The following TSHZ2 variants were observed in gnomAD, a reference collection of about 807,000 sequenced individuals.
TSHZ2 encodes teashirt zinc finger homeobox 2.
A neutral mutation model predicts 74.4 loss-of-function variants in TSHZ2; 21 were observed. The observed-to-expected ratio is 0.28, with a 90% confidence interval of 0.20 to 0.41. The LOEUF is 0.41. TSHZ2 is among the 10% of genes least tolerant of loss of function. The pLI is 1.00. For missense variants in TSHZ2, 1,244 were observed against 1,293.5 expected (o/e 0.96, Z 0.59); for synonymous variants, 540 against 515.3 (o/e 1.05, Z -0.65).
intron 2 of TSHZ2, among the ~76,000 whole-genome samples, chr20:53,322,044 C>T (rs1177042947): frequency 2.6e-5 from 4 of 152,082 alleles, no homozygotes; most frequent in Admixed American, 6.5e-5. Flanking sequence ...GACTTTGGGC[C>T]GGTGGATCTC....
chr20:53,212,750 T>C (rs968460291), intron 1 of TSHZ2, among the ~76,000 whole-genome samples: 2 of 152,186 alleles, frequency 1.3e-5, no homozygotes, highest in African/African-American at 4.8e-5. Context: ...CATGGAGGTG[T>C]GGTCCCCCAG....
At chr20:53,143,925 T>C (rs1000502425) in intron 1 of TSHZ2, among the ~76,000 whole-genome samples, 2 of 151,906 alleles carry the variant, frequency 1.3e-5, no homozygotes, top group African/African-American at 2.4e-5. Flanking sequence ...AACTCAGGGA[T>C]TGGAGTTTTT....
chr20:53,339,150 T>G (rs750030598), intron 2 of TSHZ2, among the ~76,000 whole-genome samples: 4 of 152,160 alleles, frequency 2.6e-5, no homozygotes, highest in Non-Finnish European at 2.9e-5. Flanking sequence ...AAATCTAACA[T>G]TCTCTTATTT....
intron 2 of TSHZ2, among the ~76,000 whole-genome samples, chr20:53,393,816 C>G (rs532967374): frequency 4.9e-4 from 75 of 152,290 alleles, no homozygotes; most frequent in African/African-American, 1.7e-3. Flanking sequence ...TGGGAGGTTA[C>G]ATAGGACTCT....
At chr20:53,026,908 T>C (rs1983466150) in intron 1 of TSHZ2, among the ~76,000 whole-genome samples, 1 of 151,882 alleles carries the variant, frequency 6.6e-6, no homozygotes, top group African/African-American at 2.4e-5. Context: ...GAGATCGAGG[T>C]GGGAGAATTG....
rs981628461 is a variant in TSHZ2 at position 53,185,445 on chromosome 20, C to A, written c.41-68054C>A. 5 of 1,320,992 alleles carry A rather than the reference C, an allele frequency of 3.8e-6. No individual in the cohort carries two copies. The Admixed American group carries it at 1.6e-4, about 41-fold the overall frequency. 81.8% of individuals were successfully genotyped at this position (1,320,992 alleles called of 1,614,324 possible). A position where few individuals can be genotyped will look rare whatever the true frequency, so the allele number is the denominator to read the frequency against. Reference sequence around the variant, plus strand: ...ATTCCAGCACTTTGGGAGGCCGAGGCAGGCAGATCAGATCATGAGGTCAGG... The same window carrying A: ...ATTCCAGCACTTTGGGAGGCCGAGGAAGGCAGATCAGATCATGAGGTCAGG... On this transcript the variant is annotated intron_variant, in intron 1 of 2. Coordinates refer to ENST00000371497, the MANE Select transcript of TSHZ2 (RefSeq NM_173485.6).
At chr20:53,287,603 T>G (rs1314742413) in intron 2 of TSHZ2, among the ~76,000 whole-genome samples, 1 of 152,244 alleles carries the variant, frequency 6.6e-6, no homozygotes, top group African/African-American at 2.4e-5. Flanking sequence ...GTTGCTTGAC[T>G]GTCTAAGAGG....
intron 1 of TSHZ2, among the ~76,000 whole-genome samples, chr20:53,217,421 C>T (rs1232369980): frequency 2.0e-5 from 3 of 152,052 alleles, no homozygotes; most frequent in Non-Finnish European, 2.9e-5. Context: ...ATATGTGGCT[C>T]ACAAGCAGAA....
At chr20:53,162,228 A>T (rs1037106716) in intron 1 of TSHZ2, among the ~76,000 whole-genome samples, 1 of 152,246 alleles carries the variant, frequency 6.6e-6, no homozygotes, top group Admixed American at 6.5e-5. Context: ...GGAAAAAAAT[A>T]ACAAACTTGT....
chr20:53,210,175 G>A (rs1174706166), intron 1 of TSHZ2, among the ~76,000 whole-genome samples: 1 of 152,228 alleles, frequency 6.6e-6, no homozygotes, highest in Non-Finnish European at 1.5e-5. Flanking sequence ...AGGTGCAGGA[G>A]CCCGAGTGGG....
At chr20:53,176,621 A>G (rs879767080) in intron 1 of TSHZ2, among the ~76,000 whole-genome samples, 1 of 152,030 alleles carries the variant, frequency 6.6e-6, no homozygotes, top group Non-Finnish European at 1.5e-5. Context: ...ACAGGATATT[A>G]GTGATTTAAT....
At chr20:53,116,419 A>T (rs1478903038) in intron 1 of TSHZ2, among the ~76,000 whole-genome samples, 1 of 152,058 alleles carries the variant, frequency 6.6e-6, no homozygotes, top group Non-Finnish European at 1.5e-5. Flanking sequence ...GGGTGCCCCA[A>T]TGTCTTCCTT....
chr20:53,263,643 T>C (rs1990648736), intron 2 of TSHZ2, among the ~76,000 whole-genome samples: 1 of 152,182 alleles, frequency 6.6e-6, no homozygotes, highest in Admixed American at 6.5e-5. Flanking sequence ...ACAAAGTACA[T>C]CAAAGACCAG....
intron 1 of TSHZ2, among the ~76,000 whole-genome samples, chr20:53,159,730 T>C (rs922035831): frequency 6.6e-6 from 1 of 152,246 alleles, no homozygotes; most frequent in African/African-American, 2.4e-5. Context: ...ATTGCTCTTA[T>C]GACTTTATTC....
At chr20:53,393,588 AG>A (rs1982338805) in intron 2 of TSHZ2, among the ~76,000 whole-genome samples, 1 of 152,146 alleles carries the variant, frequency 6.6e-6, no homozygotes, top group African/African-American at 2.4e-5. Flanking sequence ...GTTTGTTCCA[AG>A]CAGTCTGTAT....
intron 2 of TSHZ2, among the ~76,000 whole-genome samples, chr20:53,457,125 T>C (rs1457730701): frequency 2.4e-5 from 3 of 126,176 alleles, no homozygotes; most frequent in African/African-American, 6.6e-5. Context: ...GGGGATGGCA[T>C]TGAATCTGTA....
At chr20:53,158,152 G>A (rs900110419) in intron 1 of TSHZ2, among the ~76,000 whole-genome samples, 35 of 152,152 alleles carry the variant, frequency 2.3e-4, no homozygotes, top group Non-Finnish European at 8.8e-5. Context: ...GCCAAGACCC[G>A]GAAGTCACCA....
chr20:53,006,993 G>A (rs537675236), intron 1 of TSHZ2, among the ~76,000 whole-genome samples: 1 of 152,316 alleles, frequency 6.6e-6, no homozygotes, highest in South Asian at 2.1e-4. Flanking sequence ...AAATCCATGA[G>A]TGAACAAAGC....
chr20:53,174,410 G>T (rs1032676137), intron 1 of TSHZ2, among the ~76,000 whole-genome samples: 15 of 152,332 alleles, frequency 9.8e-5, no homozygotes, highest in African/African-American at 3.4e-4. Context: ...CTTGCTGTTT[G>T]TCAAAAGCAA....
Sources: gnomAD v4.1 joint callset for allele counts (sites outside exome capture counted in the v4.1 genomes callset) on GRCh38, gnomAD v4.1.1 for gene constraint, MANE v1.5 for transcripts, NCBI Gene and HGNC (gene_info 2026-07-23, HGNC 2026-07-21) for gene names.